EPHA6: variants seen among roughly 807,000 people sequenced by gnomAD.
EPHA6 encodes ephrin type-A receptor 6.
In EPHA6, 50 loss-of-function variants were observed where a neutral mutation model predicts 112.0. The observed-to-expected ratio is 0.45, with a 90% CI of 0.36 to 0.56. The LOEUF is 0.56. EPHA6 is among the 20% of genes least tolerant of loss of function. The pLI is 0.00. For synonymous variants in EPHA6, 529 were observed against 490.7 expected, an observed-to-expected ratio of 1.08 and a Z score of -1.03; for missense variants, 1,280 against 1,417.4, an observed-to-expected ratio of 0.90 and a Z score of 1.56.
chr3:96,990,051 A>G (rs2043159353), intron 3 of EPHA6, among the ~76,000 whole-genome samples: 1 of 152,188 alleles, frequency 6.6e-6, no homozygotes, highest in Non-Finnish European at 1.5e-5. Flanking sequence ...CAGTTTTACC[A>G]TATTTTAAAT....
intron 2 of EPHA6, among the ~76,000 whole-genome samples, chr3:96,964,187 T>C (rs2042042308): frequency 6.6e-6 from 1 of 152,088 alleles, no homozygotes; most frequent in African/African-American, 2.4e-5. Context: ...TCATTCGTTA[T>C]TTTAAGATGT....
intron 14 of EPHA6, among the ~76,000 whole-genome samples, chr3:97,717,178 C>A (rs1382242436): frequency 6.7e-6 from 1 of 149,636 alleles, no homozygotes; most frequent in Non-Finnish European, 1.5e-5. Flanking sequence ...TTGCTGTGAG[C>A]CAGGATCGCG....
intron 13 of EPHA6, among the ~76,000 whole-genome samples, chr3:97,614,924 G>C (rs1468903359): frequency 1.3e-5 from 2 of 152,130 alleles, no homozygotes; most frequent in Non-Finnish European, 2.9e-5. Context: ...TGTTGCATTT[G>C]AGATGTCTGT....
At chr3:97,592,441 T>A (rs746217976) in intron 11 of EPHA6, among the ~76,000 whole-genome samples, 171 bp from the exon 12 acceptor site, 3 of 148,674 alleles carry the variant, frequency 2.0e-5, no homozygotes, top group Non-Finnish European at 4.5e-5. Flanking sequence ...TTCAAGAAAC[T>A]AAGTTGATTT....
At chr3:96,934,734 A>G (rs1295341280) in intron 2 of EPHA6, among the ~76,000 whole-genome samples, 2 of 151,666 alleles carry the variant, frequency 1.3e-5, no homozygotes, top group East Asian at 3.9e-4. Context: ...AATAATTAGA[A>G]AGGCCAATGA....
At chr3:96,904,217 A>T (rs1390068858) in intron 2 of EPHA6, among the ~76,000 whole-genome samples, 2 of 152,128 alleles carry the variant, frequency 1.3e-5, no homozygotes, top group East Asian at 3.9e-4. Flanking sequence ...CAAATGTCCA[A>T]CAATGATAGA....
At chr3:97,281,909 G>A (rs759594346) in intron 5 of EPHA6, among the ~76,000 whole-genome samples, 4 of 151,998 alleles carry the variant, frequency 2.6e-5, no homozygotes, top group Non-Finnish European at 4.4e-5. Context: ...TAATTTAAAC[G>A]TTTTTACAAA....
At chr3:97,072,169 T>A (rs987313770) in intron 3 of EPHA6, among the ~76,000 whole-genome samples, 4 of 152,038 alleles carry the variant, frequency 2.6e-5, no homozygotes, top group African/African-American at 9.7e-5. Context: ...GATAAGTGGA[T>A]AAAGAAATAT....
intron 14 of EPHA6, among the ~76,000 whole-genome samples, chr3:97,663,509 G>A (rs1055139490): frequency 7.5e-4 from 71 of 94,742 alleles, no homozygotes; most frequent in African/African-American, 2.8e-3. Flanking sequence ...AACAGGCCCC[G>A]GTGTATGATG....
intron 3 of EPHA6, among the ~76,000 whole-genome samples, chr3:97,166,075 A>T (rs2076534563): frequency 6.6e-6 from 1 of 152,080 alleles, no homozygotes; most frequent in Admixed American, 6.6e-5. Flanking sequence ...ATGTTTTTTA[A>T]TATTGAATTT....
intron 2 of EPHA6, among the ~76,000 whole-genome samples, chr3:96,930,048 T>A (rs1359496914): frequency 6.6e-6 from 1 of 152,238 alleles, no homozygotes; most frequent in African/African-American, 2.4e-5. Flanking sequence ...GTTCTTATAG[T>A]GTGTTTTTCA....
intron 5 of EPHA6, among the ~76,000 whole-genome samples, chr3:97,343,096 G>A (rs568417798): frequency 2.0e-5 from 3 of 152,234 alleles, no homozygotes; most frequent in African/African-American, 7.2e-5. Flanking sequence ...TTGGCTCAAG[G>A]TAAAAAGAAG....
intron 2 of EPHA6, among the ~76,000 whole-genome samples, chr3:96,895,657 TTTTG>T (rs1182476538): frequency 6.6e-6 from 1 of 152,156 alleles, no homozygotes; most frequent in Non-Finnish European, 1.5e-5. Context: ...TTATACTGTT[TTTTG>T]TTGTTGTTGT....
At chr3:97,466,259 G>C (rs754039575) in intron 7 of EPHA6, 1 of 1,105,658 alleles carries the variant, frequency 9.0e-7, no homozygotes, top group Non-Finnish European at 1.4e-6. Flanking sequence ...ATCAAAAGAT[G>C]ACAGTAAGGT....
At chr3:97,431,748 G>A (rs1444962189) in intron 6 of EPHA6, among the ~76,000 whole-genome samples, 1 of 151,982 alleles carries the variant, frequency 6.6e-6, no homozygotes, top group African/African-American at 2.4e-5. Flanking sequence ...ACTTTTAAAA[G>A]ACCACCAGAT....
At chr3:97,379,779 TAGAA>T (rs956378590) in intron 5 of EPHA6, among the ~76,000 whole-genome samples, 1 of 138,696 alleles carries the variant, frequency 7.2e-6, no homozygotes, top group Non-Finnish European at 1.5e-5. Context: ...AAAAAAAAAT[TAGAA>T]AGGATGTGCT....
At chr3:97,273,151 GAGA>G (rs1318692404) in intron 5 of EPHA6, among the ~76,000 whole-genome samples, 1 of 152,148 alleles carries the variant, frequency 6.6e-6, no homozygotes, top group Non-Finnish European at 1.5e-5. Context: ...AACAGAATAA[GAGA>G]AGGAGAAAAA....
chr3:96,863,239 T>C (rs1475844484), intron 1 of EPHA6, among the ~76,000 whole-genome samples: 1 of 151,986 alleles, frequency 6.6e-6, no homozygotes, highest in Non-Finnish European at 1.5e-5. Context: ...CTGATGTTAA[T>C]GCTGATGTAA....
intron 3 of EPHA6, among the ~76,000 whole-genome samples, chr3:97,151,361 C>A (rs778119233): frequency 6.6e-6 from 1 of 152,072 alleles, no homozygotes; most frequent in South Asian, 2.1e-4. Context: ...CAAACAATGG[C>A]AATTTGAGGA....
Sources: gnomAD v4.1 joint callset for allele counts (sites outside exome capture counted in the v4.1 genomes callset) on GRCh38, gnomAD v4.1.1 for gene constraint, MANE v1.5 for transcripts, NCBI Gene and HGNC (gene_info 2026-07-23, HGNC 2026-07-21) for gene names.